The following UBASH3A variants were observed in gnomAD, a reference collection of about 807,000 sequenced individuals.
The protein encoded by UBASH3A is ubiquitin-associated and SH3 domain-containing protein A.
Under a neutral mutation model 73.5 loss-of-function variants are expected in UBASH3A, and 63 were observed. The ratio of observed to expected loss-of-function variants is 0.86; its 90% CI spans 0.70 to 1.06. The LOEUF (loss-of-function observed/expected upper bound fraction) is 1.06, where lower values mean the gene tolerates loss of function less well. Among genes scored for constraint, UBASH3A ranks in the 50% least tolerant of loss-of-function variants. The pLI, the probability that UBASH3A is intolerant of heterozygous loss-of-function variation, is 0.00. For synonymous variants in UBASH3A, 363 were observed against 351.1 expected, an observed-to-expected ratio of 1.03 and a Z score of -0.38; for missense variants, 860 against 859.0, an observed-to-expected ratio of 1.00 and a Z score of -0.02.
chr21:42,432,051 A>G (rs2839512), intron 8 of UBASH3A, 52 bp from the exon 9 acceptor site: 303,511 of 1,148,042 alleles, frequency 0.26, 40,895 homozygotes, highest in Middle Eastern at 0.32. Context: ...GTGCAAGTCC[A>G]GTGAGTTGGA....
chr21:42,433,666 G>A (rs2053576554), intron 9 of UBASH3A, among the ~76,000 whole-genome samples: 1 of 152,196 alleles, frequency 6.6e-6, no homozygotes, highest in Admixed American at 6.5e-5. Flanking sequence ...CCTTTCCCAA[G>A]AGCTAATGTT....
intron 7 of UBASH3A, 98 bp downstream of exon 7, chr21:42,418,707 T>C: frequency 2.6e-6 from 3 of 1,142,060 alleles, no homozygotes; most frequent in Non-Finnish European, 3.7e-6. Context: ...CATTCCATTA[T>C]TGGTAAAATT....
rs574852253 is a variant in UBASH3A at position 42,413,050 on chromosome 21, G to A, written c.381G>A (p.Leu127=). The A allele has an allele frequency of 8.2e-5, 133 of 1,614,258 alleles. 2 individuals are homozygous for A. The South Asian group carries it at 1.2e-3, about 15-fold the overall frequency. ...GTGAAGACCAGAAGGTGGAATGCCT[G>A]TACGAGGCGCTGAAGAGAGCTGGAG... The part of the protein sequence containing the change: ...FTCEDQKVEC[L]YEALKRAGDR... Residue 127 remains leucine (L), a synonymous_variant, in exon 4 of 15, where the codon CTG becomes CTA. Coordinates refer to ENST00000319294, the MANE Select transcript of UBASH3A (RefSeq NM_018961.4). This position sits in a 1 kb window ranked among gnomAD's most constrained non-coding sequence, Gnocchi z 4.5.
chr21:42,445,546 C>A (rs1194932649), intron 14 of UBASH3A, among the ~76,000 whole-genome samples: 1 of 152,224 alleles, frequency 6.6e-6, no homozygotes, highest in East Asian at 1.9e-4. Context: ...CCGGGCCCAG[C>A]CCAGTGACAC....
intron 3 of UBASH3A, chr21:42,410,031 T>G (rs1333864205): frequency 1.4e-6 from 1 of 700,650 alleles, no homozygotes; most frequent in Non-Finnish European, 2.6e-6. Flanking sequence ...AAAACAGAGT[T>G]TGTGCTTCCA....
intron 11 of UBASH3A, among the ~76,000 whole-genome samples, chr21:42,439,078 C>G (rs1223102105): frequency 1.3e-5 from 2 of 152,158 alleles, no homozygotes; most frequent in Non-Finnish European, 2.9e-5. Flanking sequence ...GAGACGCTCC[C>G]TCAGAGCACC....
At position 42,444,618 on chromosome 21, in the gene UBASH3A, G is replaced by A. The variant is rs776857981; in HGVS notation, c.1823G>A (p.Gly608Glu). 12 of 1,614,116 alleles carry A rather than the reference G, an allele frequency of 7.4e-6. No homozygotes were observed. Among genetic ancestry groups the A allele is most frequent in the African/African-American group, 4.0e-5 (3 of 74,954 alleles). ...PLLGLPPREC[G>E]DFAQLVRKIP... ...CTCGGGCTGCCGCCCCGGGAATGTG[G>A]GGATTTTGCCCAACTCGTGAGAAAG... Residue 608 changes from glycine (G) to glutamate (E), a missense_variant, in exon 14 of 15, where the codon GGG (glycine) becomes GAG (glutamate). By Grantham distance (98) the Gly-to-Glu change is moderately conservative. Transcript: ENST00000319294.
At chr21:42,444,413 G>GTC in intron 13 of UBASH3A, 121 bp from the exon 14 acceptor site, 1 of 747,722 alleles carries the variant, frequency 1.3e-6, no homozygotes, top group South Asian at 1.5e-5. Context: ...TAGCCCGGGG[G>GTC]TCTCGCCAGG....
intron 7 of UBASH3A, 47 bp downstream of exon 7, chr21:42,418,656 C>T: frequency 4.5e-6 from 7 of 1,561,530 alleles, no homozygotes; most frequent in Non-Finnish European, 6.1e-6. Flanking sequence ...CTCTGAGTTA[C>T]TGTGTGAGAG....
intron 8 of UBASH3A, among the ~76,000 whole-genome samples, chr21:42,428,161 G>A (rs2053471899): frequency 6.6e-6 from 1 of 152,140 alleles, no homozygotes; most frequent in South Asian, 2.1e-4. Flanking sequence ...ACCAGCCCTG[G>A]CAACACCATC....
Position 42,413,571 on chromosome 21 carries a change from C to G in UBASH3A, c.667+48C>G, listed in dbSNP as rs77541780. On this transcript the variant is annotated intron_variant, in intron 5 of 14. Coordinates refer to ENST00000319294, the MANE Select transcript of UBASH3A (RefSeq NM_018961.4). The surrounding 1 kb of genome is among the most constrained non-coding windows in gnomAD (Gnocchi z 4.5). ...GACCAGCTTTGGTCTTCTCTTTAGG[C>G]GGGAATAGCCTTGTTCTCATTATGT... The G allele has an allele frequency of 7.4e-7, 1 of 1,351,024 alleles. No individual in the cohort carries two copies. The highest frequency in any genetic ancestry group is 1.1e-6 in the Non-Finnish European group (1 of 952,220). 83.7% of individuals were successfully genotyped at this position (1,351,024 alleles called of 1,614,324 possible). A position where few individuals can be genotyped will look rare whatever the true frequency, so the allele number is the denominator to read the frequency against.
intron 7 of UBASH3A, among the ~76,000 whole-genome samples, chr21:42,420,699 C>G (rs912296272): frequency 1.3e-5 from 2 of 152,144 alleles, no homozygotes; most frequent in African/African-American, 4.8e-5. Flanking sequence ...GGAAGGACCA[C>G]CCGGGTGATG....
At chr21:42,445,913 G>A (rs57136818) in intron 14 of UBASH3A, among the ~76,000 whole-genome samples, 3,445 of 152,136 alleles carry the variant, frequency 0.023, 119 homozygotes, top group African/African-American at 0.076. Flanking sequence ...GGGCAGCCCC[G>A]GCACCACCTG....
chr21:42,407,195 G>A (rs971198117), intron 2 of UBASH3A, among the ~76,000 whole-genome samples: 9 of 152,190 alleles, frequency 5.9e-5, no homozygotes, highest in African/African-American at 2.2e-4. Flanking sequence ...CTACCCGGAT[G>A]TGCTGTGGGG....
intron 8 of UBASH3A, among the ~76,000 whole-genome samples, chr21:42,429,501 C>T (rs1020620916): frequency 2.6e-5 from 4 of 152,168 alleles, no homozygotes; most frequent in African/African-American, 9.7e-5. Flanking sequence ...GAAAATACCC[C>T]AAATCCAAAA....
intron 13 of UBASH3A, among the ~76,000 whole-genome samples, chr21:42,443,990 A>C (rs2053800517): frequency 6.6e-6 from 1 of 152,166 alleles, no homozygotes; most frequent in South Asian, 2.1e-4. Context: ...TCCCTGACCC[A>C]TCACACGGGT....
At chr21:42,422,280 T>C (rs2053350490) in intron 7 of UBASH3A, among the ~76,000 whole-genome samples, 1 of 152,260 alleles carries the variant, frequency 6.6e-6, no homozygotes, top group Admixed American at 6.5e-5. Context: ...TCTTTATTTA[T>C]TGATGTGTTG....
intron 8 of UBASH3A, among the ~76,000 whole-genome samples, chr21:42,429,759 C>T (rs537487040): frequency 2.6e-5 from 4 of 152,106 alleles, no homozygotes; most frequent in Non-Finnish European, 4.4e-5. Flanking sequence ...AAGCTGTTCC[C>T]CAGGAGATGC....
At chr21:42,440,479 G>C (rs1026462007) in intron 11 of UBASH3A, among the ~76,000 whole-genome samples, 1 of 152,186 alleles carries the variant, frequency 6.6e-6, no homozygotes, top group Non-Finnish European at 1.5e-5. Flanking sequence ...TATATGACAA[G>C]AGGGGAACAG....
Sources: gnomAD v4.1 joint callset for allele counts (sites outside exome capture counted in the v4.1 genomes callset) on GRCh38, gnomAD v4.1.1 for gene constraint, Gnocchi (gnomAD v3.1) non-coding constraint, MANE v1.5 for transcripts, NCBI Gene and HGNC (gene_info 2026-07-23, HGNC 2026-07-21) for gene names.